The following SHPRH variants were observed in gnomAD, a reference collection of about 807,000 sequenced individuals.
SHPRH encodes E3 ubiquitin-protein ligase SHPRH.
Under a neutral mutation model 202.5 loss-of-function variants are expected in SHPRH, and 106 were observed. That is an observed-to-expected ratio of 0.52 (90% confidence interval 0.45 to 0.62). The LOEUF (loss-of-function observed/expected upper bound fraction) is 0.62, where lower values mean the gene tolerates loss of function less well. Among genes scored for constraint, SHPRH ranks in the 20% least tolerant of loss-of-function variants. SHPRH has a pLI of 0.00. For missense variants in SHPRH, 1,710 were observed against 2,020.0 expected, an observed-to-expected ratio of 0.85 and a Z score of 2.94; for synonymous variants, 729 against 686.0, an observed-to-expected ratio of 1.06 and a Z score of -0.98.
chr6:145,939,230 A>C (rs1341885739), intron 11 of SHPRH, among the ~76,000 whole-genome samples: 1 of 152,204 alleles, frequency 6.6e-6, no homozygotes, highest in Non-Finnish European at 1.5e-5. Flanking sequence ...AGGAAGAAAG[A>C]CAAAATTCTA....
chr6:145,961,815 C>A (rs1582852181), intron 1 of SHPRH, among the ~76,000 whole-genome samples: 2 of 152,280 alleles, frequency 1.3e-5, no homozygotes, highest in African/African-American at 4.8e-5. Flanking sequence ...ACCAACCAAA[C>A]AAAAAGCTCC....
chr6:145,902,018 A>C (rs1401663808), intron 25 of SHPRH, among the ~76,000 whole-genome samples: 1 of 152,094 alleles, frequency 6.6e-6, no homozygotes, highest in Non-Finnish European at 1.5e-5. Context: ...GGAGACATAC[A>C]AAGTGTTACC....
Position 145,913,461 on chromosome 6 carries a change from GT to G in SHPRH, c.4326+16del. ...AAGGTATTTTATAAATGCATGTGAT[GT>G]TTATCATAATTTTACCTGTTTTCCT... On this transcript the variant is annotated intron_variant, in intron 24 of 29. Coordinates refer to ENST00000275233, the MANE Select transcript of SHPRH (RefSeq NM_001042683.3). 6.3e-7 allele frequency: 1 copy of G among 1,596,936 alleles called. No individual in the cohort carries two copies. Among genetic ancestry groups the G allele is most frequent in the Non-Finnish European group, 8.6e-7 (1 of 1,169,024 alleles).
intron 13 of SHPRH, among the ~76,000 whole-genome samples, chr6:145,934,267 G>A (rs1471577099): frequency 6.6e-6 from 1 of 151,908 alleles, no homozygotes; most frequent in Non-Finnish European, 1.5e-5. Flanking sequence ...TGGAGTTCAA[G>A]ACCAGCCTGA....
At chr6:145,862,346 C>T (rs1403778283), downstream of SHPRH, among the ~76,000 whole-genome samples, 1 of 151,264 alleles carries the variant, frequency 6.6e-6, no homozygotes, top group Non-Finnish European at 1.5e-5. Flanking sequence ...CCCAGCTACT[C>T]GGGAGGCTGA....
intron 17 of SHPRH, 50 bp downstream of exon 17, chr6:145,924,689 A>T: frequency 6.4e-7 from 1 of 1,552,672 alleles, no homozygotes; most frequent in Middle Eastern, 1.7e-4. Context: ...CAAAACTCAA[A>T]ATGATATCTG....
chr6:145,960,577 T>G (rs1175500630), intron 1 of SHPRH, among the ~76,000 whole-genome samples: 2 of 152,228 alleles, frequency 1.3e-5, no homozygotes, highest in African/African-American at 4.8e-5. Context: ...AATGCAATGC[T>G]TTGAAGTCTT....
intron 14 of SHPRH, among the ~76,000 whole-genome samples, chr6:145,932,033 T>C (rs1785514076): frequency 6.6e-6 from 1 of 152,010 alleles, no homozygotes; most frequent in Admixed American, 6.6e-5. Flanking sequence ...ATTCTATACT[T>C]TGACTTTATT....
Position 145,894,219 on chromosome 6 carries a change from A to G in SHPRH, c.4626T>C (p.Asp1542=). 1 of 1,601,834 alleles carries G rather than the reference A, an allele frequency of 6.2e-7. No individual in the cohort carries two copies. The highest frequency in any genetic ancestry group is 8.5e-7 in the Non-Finnish European group (1 of 1,174,994). ...LVFSTWQDVL[D]IISKALTDNN... ...TGTCAGTAAGAGCTTTTGAAATAAT[A>G]TCTAATACATCTTGCCACTAGAACA... Residue 1542 remains aspartate (D), a synonymous_variant, in exon 27 of 30, where the codon GAT becomes GAC. Transcript: ENST00000275233.
chr6:145,859,957 T>C (rs1779529039), downstream of SHPRH, among the ~76,000 whole-genome samples: 1 of 152,116 alleles, frequency 6.6e-6, no homozygotes, highest in Admixed American at 6.5e-5. Flanking sequence ...TAGACAACAA[T>C]TAGCTTTTTA....
intron 11 of SHPRH, among the ~76,000 whole-genome samples, chr6:145,937,233 CTCAGCCTCCCAA>C (rs1786211619): frequency 6.6e-6 from 1 of 152,092 alleles, no homozygotes. Flanking sequence ...ATCCACCCGC[CTCAGCCTCCCAA>C]AGTGCTGGGA....
In SHPRH at chr6:145,886,542, A is replaced by C. The variant is rs1401786682; in HGVS notation, c.*149T>G. 2.2e-5 allele frequency: 31 copies of C among 1,399,346 alleles called. No homozygotes were observed. Among genetic ancestry groups the C allele is most frequent in the Non-Finnish European group, 3.0e-5 (31 of 1,027,182 alleles). 86.7% of individuals were successfully genotyped at this position (1,399,346 alleles called of 1,614,324 possible). On this transcript the variant is annotated 3_prime_UTR_variant, in exon 30 of 30. Coordinates refer to ENST00000275233, the MANE Select transcript of SHPRH (RefSeq NM_001042683.3). Reference sequence around the variant, plus strand: ...ATTGAAAAGGACTCAATAAGTACTAAGCCACTGTATAACCAGAACAATAAA... The same window carrying C: ...ATTGAAAAGGACTCAATAAGTACTACGCCACTGTATAACCAGAACAATAAA...
chr6:145,879,273 G>A (rs377757454), intron 2 of SHPRH, among the ~76,000 whole-genome samples: 1 of 151,178 alleles, frequency 6.6e-6, no homozygotes, highest in Non-Finnish European at 1.5e-5. Flanking sequence ...TTTTAAAAAA[G>A]AAATAGTTGC....
chr6:145,946,928 TTAC>T (rs1426237284), intron 6 of SHPRH, among the ~76,000 whole-genome samples: 1 of 152,006 alleles, frequency 6.6e-6, no homozygotes, highest in African/African-American at 2.4e-5. Context: ...TCAGATTTCA[TTAC>T]TAGAAAATAT....
chr6:145,943,000 T>C, intron 9 of SHPRH, 143 bp downstream of exon 9: 1 of 942,788 alleles, frequency 1.1e-6, no homozygotes, highest in East Asian at 2.6e-5. Flanking sequence ...CTCAATTTTT[T>C]TCTTTAAGCT....
chr6:145,870,760 C>G (rs901347165), intron 2 of SHPRH, among the ~76,000 whole-genome samples: 1 of 152,110 alleles, frequency 6.6e-6, no homozygotes, highest in African/African-American at 2.4e-5. Context: ...AGTTTCTCAC[C>G]ATTAAATATG....
chr6:145,954,619 C>G lies in SHPRH; in HGVS notation c.633+71G>C, dbSNP rs1367293397. On this transcript the variant is annotated intron_variant, in intron 2 of 29. Transcript: ENST00000275233. Reference sequence around the variant, plus strand: ...TATTGCTGGCTTTTCAGACTTCTCTCACAAGTTAATTTAAAATTGGACTGC... The same window carrying G: ...TATTGCTGGCTTTTCAGACTTCTCTGACAAGTTAATTTAAAATTGGACTGC... The G allele has an allele frequency of 4.7e-6, 7 of 1,480,266 alleles. No homozygotes were observed. The East Asian group carries it at 1.6e-4, about 34-fold the overall frequency. 91.7% of individuals were successfully genotyped at this position (1,480,266 alleles called of 1,614,324 possible). A position where few individuals can be genotyped will look rare whatever the true frequency, so the allele number is the denominator to read the frequency against.
intron 1 of SHPRH, among the ~76,000 whole-genome samples, chr6:145,956,874 T>C (rs1562378013): frequency 6.6e-6 from 1 of 152,138 alleles, no homozygotes; most frequent in Non-Finnish European, 1.5e-5. Flanking sequence ...TCCAACAGGT[T>C]TGTTCTGTAG....
At chr6:145,935,645 G>A in intron 11 of SHPRH, 1 of 520,404 alleles carries the variant, frequency 1.9e-6, no homozygotes, top group Non-Finnish European at 3.3e-6. Context: ...TGGGCTAGGT[G>A]CTAAAATAAT....
Sources: gnomAD v4.1 joint callset for allele counts (sites outside exome capture counted in the v4.1 genomes callset) on GRCh38, gnomAD v4.1.1 for gene constraint, MANE v1.5 for transcripts, NCBI Gene and HGNC (gene_info 2026-07-23, HGNC 2026-07-21) for gene names.